The following WDFY3 variants were observed in gnomAD, a reference collection of about 807,000 sequenced individuals.
WDFY3 encodes WD repeat and FYVE domain containing 3, also known as WD repeat and FYVE domain-containing protein 3.
In WDFY3, 66 loss-of-function variants were observed where a neutral mutation model predicts 409.6. The ratio of observed to expected loss-of-function variants is 0.16; its 90% CI spans 0.13 to 0.20. The LOEUF (loss-of-function observed/expected upper bound fraction) is 0.20. Among genes scored for constraint, WDFY3 ranks in the 10% least tolerant of loss-of-function variants. The pLI, the probability that WDFY3 is intolerant of heterozygous loss-of-function variation, is 1.00. For synonymous variants in WDFY3, 1,521 were observed against 1,537.1 expected (o/e 0.99, Z 0.25); for missense variants, 3,031 against 4,298.1 (o/e 0.71, Z 8.24).
At position 84,670,402 on chromosome 4, in the gene WDFY3, ATG is replaced by A. The variant is rs1311777213; in HGVS notation, c.*2464_*2465del. ...AGTTTATGTATGTGAGTGTACTTGT[ATG>A]TGTGAGTGATTCTGTTGATTTCTGC... is the stretch of plus-strand genomic sequence containing the variant. On this transcript the variant is annotated 3_prime_UTR_variant, in exon 68 of 68. Transcript: ENST00000295888. The A allele has an allele frequency of 6.5e-6, 1 of 152,682 alleles. No individual in the cohort carries two copies. The highest frequency in any genetic ancestry group is 1.5e-5 in the Non-Finnish European group (1 of 68,050). 9.5% of individuals were successfully genotyped at this position (152,682 alleles called of 1,614,324 possible).
intron 5 of WDFY3, among the ~76,000 whole-genome samples, chr4:84,848,616 T>C (rs1279061946): frequency 1.3e-5 from 2 of 152,192 alleles, no homozygotes; most frequent in Non-Finnish European, 2.9e-5. Context: ...CTCCTATAAA[T>C]ATCTAACAAG....
At chr4:84,942,111 G>A (rs929988344) in intron 1 of WDFY3, among the ~76,000 whole-genome samples, 8 of 151,876 alleles carry the variant, frequency 5.3e-5, no homozygotes, top group Non-Finnish European at 8.8e-5. Flanking sequence ...GGAAAACTTC[G>A]GGGAAAATCA....
intron 2 of WDFY3, among the ~76,000 whole-genome samples, chr4:84,913,005 T>C (rs753224668): frequency 6.6e-6 from 1 of 152,196 alleles, no homozygotes; most frequent in Non-Finnish European, 1.5e-5. Flanking sequence ...CTTCCACTGA[T>C]ACTTTGTCGC....
At chr4:84,731,834 A>T (rs1301937090) in intron 44 of WDFY3, among the ~76,000 whole-genome samples, 3 of 152,236 alleles carry the variant, frequency 2.0e-5, no homozygotes, top group Admixed American at 1.3e-4. Context: ...TCAAAAGTAA[A>T]TGCCTCAGTT....
At chr4:84,795,010 A>C (rs960841516) in intron 19 of WDFY3, 31 bp from the exon 20 acceptor site, 1 of 1,463,442 alleles carries the variant, frequency 6.8e-7, no homozygotes, top group Non-Finnish European at 9.1e-7. Context: ...TACATATTAG[A>C]GATCAATGAC....
intron 6 of WDFY3, among the ~76,000 whole-genome samples, chr4:84,837,914 G>C (rs1384841345): frequency 6.6e-6 from 1 of 152,148 alleles, no homozygotes. Flanking sequence ...TCCTTCAAAA[G>C]ACCACAGTCG....
intron 4 of WDFY3, among the ~76,000 whole-genome samples, chr4:84,852,207 G>C (rs1355481358): frequency 6.6e-6 from 1 of 152,210 alleles, no homozygotes; most frequent in Non-Finnish European, 1.5e-5. Flanking sequence ...CTGCTACTAA[G>C]TGACTATTGG....
chr4:84,720,024 G>A (rs1238266099), intron 47 of WDFY3, among the ~76,000 whole-genome samples: 6 of 152,170 alleles, frequency 3.9e-5, no homozygotes, highest in Non-Finnish European at 8.8e-5. Context: ...CTTTAAAAAG[G>A]TGATATTCAT....
At chr4:84,741,619 T>G (rs2149231290) in intron 38 of WDFY3, 142 bp downstream of exon 38, 1 of 1,009,598 alleles carries the variant, frequency 9.9e-7, no homozygotes, top group Non-Finnish European at 1.4e-6. Flanking sequence ...CCAGCCTGTC[T>G]CTATTCACTT....
chr4:84,790,822 A>C (rs1487955676), intron 21 of WDFY3, among the ~76,000 whole-genome samples: 2 of 152,214 alleles, frequency 1.3e-5, no homozygotes, highest in African/African-American at 4.8e-5. Flanking sequence ...TCTCCAAAGA[A>C]GGCACATAAA....
intron 45 of WDFY3, among the ~76,000 whole-genome samples, chr4:84,726,091 C>T (rs1218740846): frequency 6.6e-6 from 1 of 151,980 alleles, no homozygotes; most frequent in Non-Finnish European, 1.5e-5. Flanking sequence ...AGATTTTGTA[C>T]CATAAAAATT....
intron 50 of WDFY3, 24 bp downstream of exon 50, chr4:84,715,274 C>G: frequency 7.0e-7 from 1 of 1,436,568 alleles, no homozygotes; most frequent in Non-Finnish European, 9.8e-7. Context: ...TAATAGTATA[C>G]AAAGTGTTCC....
chr4:84,962,734 C>T (rs1165322052), intron 1 of WDFY3, among the ~76,000 whole-genome samples: 1 of 147,146 alleles, frequency 6.8e-6, no homozygotes, highest in Non-Finnish European at 1.5e-5. Flanking sequence ...AGTGCGGTGG[C>T]GCCATCTCAG....
chr4:84,745,212 T>C (rs1739216598), intron 36 of WDFY3, among the ~76,000 whole-genome samples: 1 of 152,194 alleles, frequency 6.6e-6, no homozygotes, highest in African/African-American at 2.4e-5. Flanking sequence ...AAAGAGCCTT[T>C]TGTCATCCTC....
At chr4:84,963,284 C>G (rs564967929) in intron 1 of WDFY3, among the ~76,000 whole-genome samples, 1 of 151,774 alleles carries the variant, frequency 6.6e-6, no homozygotes, top group African/African-American at 2.4e-5. Flanking sequence ...ATTAGCCAGG[C>G]GTGGTGGCGA....
intron 5 of WDFY3, chr4:84,844,530 G>C (rs1303560798): frequency 7.8e-7 from 1 of 1,289,444 alleles, no homozygotes; most frequent in Non-Finnish European, 1.0e-6. Flanking sequence ...AAAAAGGCTG[G>C]GTTGTCTAAG....
intron 29 of WDFY3, among the ~76,000 whole-genome samples, chr4:84,774,291 A>G (rs970502138): frequency 2.6e-5 from 4 of 152,258 alleles, no homozygotes; most frequent in Non-Finnish European, 1.5e-5. Flanking sequence ...ATGTGAACAT[A>G]AGAACATTTC....
chr4:84,729,423 A>T (rs1181308862), intron 44 of WDFY3, among the ~76,000 whole-genome samples: 1 of 151,930 alleles, frequency 6.6e-6, no homozygotes, highest in Non-Finnish European at 1.5e-5. Flanking sequence ...TTACTGTGTG[A>T]AGAGTACAAA....
Position 84,775,127 on chromosome 4 carries a change from A to T in WDFY3, c.4530T>A (p.His1510Gln), listed in dbSNP as rs761464836. The T allele has an allele frequency of 1.2e-6, 2 of 1,613,236 alleles. No individual in the cohort carries two copies. Among genetic ancestry groups the T allele is most frequent in the Non-Finnish European group, 8.5e-7 (1 of 1,179,818 alleles). ...DLLCDFEVWL[H>Q]APYELHLSLF... The stretch of plus-strand genomic sequence containing the variant: ...AGGAAAGATGAAGTTCATATGGTGC[A>T]TGGAGCCAGACCTATAATAAATAAA... The change falls in exon 28 of 68, where the codon CAT becomes CAA. Residue 1510 changes from histidine (H) to glutamine (Q), a missense_variant. His to Gln is a conservative substitution (Grantham distance 24). Coordinates refer to ENST00000295888, the MANE Select transcript of WDFY3 (RefSeq NM_014991.6).
Sources: gnomAD v4.1 joint callset for allele counts (sites outside exome capture counted in the v4.1 genomes callset) on GRCh38, gnomAD v4.1.1 for gene constraint, MANE v1.5 for transcripts, NCBI Gene and HGNC (gene_info 2026-07-23, HGNC 2026-07-21) for gene names.